GNA14: variants seen among roughly 807,000 people sequenced by gnomAD.
The protein encoded by GNA14 is guanine nucleotide-binding protein subunit alpha-14.
A neutral mutation model predicts 42.0 loss-of-function variants in GNA14; 50 were observed. That is an observed-to-expected ratio of 1.19 (90% CI 0.95 to 1.51). The LOEUF is 1.51. GNA14 is among the 40% of genes most tolerant of loss of function. The probability of loss-of-function intolerance (pLI) is 0.00; values close to 1 mark genes in which losing one functional copy is unlikely to be tolerated. For missense variants in GNA14, 473 were observed against 446.2 expected (o/e 1.06, Z -0.54); for synonymous variants, 173 against 163.1 (o/e 1.06, Z -0.46).
chr9:77,576,335 C>T (rs893414096), intron 1 of GNA14, among the ~76,000 whole-genome samples: 2 of 152,098 alleles, frequency 1.3e-5, no homozygotes, highest in African/African-American at 4.8e-5. Context: ...TTATTTTTAG[C>T]TGATGATAGT....
At chr9:77,515,830 G>A (rs568048612) in intron 2 of GNA14, among the ~76,000 whole-genome samples, 1 of 151,598 alleles carries the variant, frequency 6.6e-6, no homozygotes, top group Non-Finnish European at 1.5e-5. Flanking sequence ...CAGGCCTGGG[G>A]GTGTGCACCT....
At chr9:77,555,967 G>A (rs906050297) in intron 1 of GNA14, among the ~76,000 whole-genome samples, 2 of 152,118 alleles carry the variant, frequency 1.3e-5, no homozygotes, top group African/African-American at 4.8e-5. Context: ...ACATAAGGCC[G>A]GGCACAGTGG....
intron 1 of GNA14, among the ~76,000 whole-genome samples, chr9:77,576,267 C>T (rs896100928): frequency 1.3e-5 from 2 of 152,002 alleles, no homozygotes; most frequent in African/African-American, 2.4e-5. Context: ...GTCCAGTGAT[C>T]GGATAGGGCA....
At chr9:77,535,501 A>G (rs954620241) in intron 1 of GNA14, among the ~76,000 whole-genome samples, 1 of 152,178 alleles carries the variant, frequency 6.6e-6, no homozygotes, top group African/African-American at 2.4e-5. Context: ...CTGAGCCGAG[A>G]TCGCGCCATT....
intron 1 of GNA14, among the ~76,000 whole-genome samples, chr9:77,641,669 G>A (rs1280101410): frequency 1.3e-5 from 2 of 152,130 alleles, no homozygotes; most frequent in East Asian, 3.9e-4. Flanking sequence ...AAACTAAAAG[G>A]ATATGAGAAC....
At chr9:77,576,706 ACTCATTTCCT>A (rs1292165449) in intron 1 of GNA14, among the ~76,000 whole-genome samples, 5 of 152,006 alleles carry the variant, frequency 3.3e-5, no homozygotes, top group African/African-American at 1.2e-4. Context: ...GAAAACCTAT[ACTCATTTCCT>A]CAAATTTTAC....
chr9:77,579,300 T>C (rs1310484273), intron 1 of GNA14, among the ~76,000 whole-genome samples: 1 of 152,154 alleles, frequency 6.6e-6, no homozygotes, highest in African/African-American at 2.4e-5. Context: ...CAAACACCCA[T>C]ACCCACAGGC....
chr9:77,450,546 T>C (rs1359773712), intron 2 of GNA14, among the ~76,000 whole-genome samples: 3 of 152,018 alleles, frequency 2.0e-5, no homozygotes, highest in Non-Finnish European at 4.4e-5. Flanking sequence ...TCACAGTCAT[T>C]CTCCAACGTG....
intron 1 of GNA14, among the ~76,000 whole-genome samples, chr9:77,561,694 A>T (rs1822886697): frequency 6.6e-6 from 1 of 152,220 alleles, no homozygotes; most frequent in Non-Finnish European, 1.5e-5. Context: ...AATTTCTGGA[A>T]ATGGACAGTA....
chr9:77,623,112 G>A (rs912260406), intron 1 of GNA14, among the ~76,000 whole-genome samples: 5 of 149,160 alleles, frequency 3.4e-5, no homozygotes, highest in Non-Finnish European at 7.4e-5. Context: ...CTACTCAGGA[G>A]GCTGAGGGCA....
At chr9:77,636,765 G>A (rs1262692555) in intron 1 of GNA14, among the ~76,000 whole-genome samples, 1 of 152,124 alleles carries the variant, frequency 6.6e-6, no homozygotes, top group Non-Finnish European at 1.5e-5. Flanking sequence ...CTGACCCGAC[G>A]ACCTAAACAC....
intron 1 of GNA14, among the ~76,000 whole-genome samples, chr9:77,552,182 A>G (rs887551168): frequency 7.9e-5 from 12 of 151,918 alleles, no homozygotes; most frequent in Non-Finnish European, 1.5e-4. Flanking sequence ...CAAACAATCA[A>G]TTATTCCCAA....
intron 1 of GNA14, among the ~76,000 whole-genome samples, chr9:77,623,449 C>T (rs921405677): frequency 5.9e-5 from 9 of 152,058 alleles, no homozygotes; most frequent in African/African-American, 1.9e-4. Context: ...GTAAATCAAA[C>T]ACATATTAAT....
chr9:77,613,143 G>A (rs2117949672), intron 1 of GNA14, among the ~76,000 whole-genome samples: 1 of 152,260 alleles, frequency 6.6e-6, no homozygotes, highest in Admixed American at 6.5e-5. Context: ...TTGGACCAGG[G>A]CCCCATCTCC....
intron 2 of GNA14, among the ~76,000 whole-genome samples, chr9:77,509,755 G>A (rs550127666): frequency 3.3e-5 from 5 of 152,000 alleles, no homozygotes; most frequent in South Asian, 2.1e-4. Context: ...AAGTAATCGC[G>A]GTTTTTGTCA....
At chr9:77,446,897 C>T (rs943290474) in intron 2 of GNA14, among the ~76,000 whole-genome samples, 7 of 152,078 alleles carry the variant, frequency 4.6e-5, no homozygotes, top group African/African-American at 1.7e-4. Context: ...TCCATTTTAA[C>T]CAGTACAGAG....
At chr9:77,610,205 C>G (rs901837870) in intron 1 of GNA14, among the ~76,000 whole-genome samples, 14 of 152,074 alleles carry the variant, frequency 9.2e-5, no homozygotes, top group Admixed American at 7.9e-4. Flanking sequence ...ATCATGTATT[C>G]TTCCTCTAAA....
intron 1 of GNA14, among the ~76,000 whole-genome samples, chr9:77,593,765 A>C (rs1241734117): frequency 6.6e-6 from 1 of 152,218 alleles, no homozygotes; most frequent in Non-Finnish European, 1.5e-5. Flanking sequence ...CTGTCTTTCC[A>C]ACACATTCTC....
chr9:77,596,034 A>G (rs1007970173), intron 1 of GNA14, among the ~76,000 whole-genome samples: 4 of 152,034 alleles, frequency 2.6e-5, no homozygotes, highest in African/African-American at 9.7e-5. Context: ...GCAGGTCTAG[A>G]GTTCACAAAT....
Sources: allele counts gnomAD v4.1 joint callset (sites outside exome capture counted in the v4.1 genomes callset), GRCh38; gene constraint gnomAD v4.1.1; transcripts MANE v1.5; gene names NCBI Gene and HGNC (gene_info 2026-07-23, HGNC 2026-07-21).